Variants in PASK observed in about 807,000 individuals in gnomAD.
The protein encoded by PASK is PAS domain-containing serine/threonine-protein kinase.
PASK carries 110 observed loss-of-function variants against 121.0 expected under a neutral mutation model. The observed-to-expected ratio is 0.91, with a 90% CI of 0.78 to 1.06. The LOEUF (loss-of-function observed/expected upper bound fraction) is 1.06. Ranked by LOEUF, PASK falls within the 50% of genes least tolerant of loss-of-function variation. PASK has a pLI of 0.00. For synonymous variants in PASK, 686 were observed against 717.8 expected (o/e 0.96, Z 0.71); for missense variants, 1,643 against 1,702.3 (o/e 0.97, Z 0.61).
Position 241,135,906 on chromosome 2 carries a change from G to A in PASK, c.1271C>T (p.Pro424Leu), listed in dbSNP as rs200392839. 71 of 1,614,116 alleles carry A rather than the reference G, an allele frequency of 4.4e-5. No homozygotes were observed. Among genetic ancestry groups the A allele is most frequent in the African/African-American group, 1.7e-4 (13 of 75,038 alleles). ...ESGCGERTLD[P>L]WQGQDPAEGG... Reference sequence around the variant, plus strand: ...CTCAGCTGGGTCCTGGCCCTGCCACGGGTCCAAGGTTCTCTCCCCACACCC... The same window carrying A: ...CTCAGCTGGGTCCTGGCCCTGCCACAGGTCCAAGGTTCTCTCCCCACACCC... The change falls in exon 8 of 18, where the codon CCG (proline) becomes CTG (leucine). Residue 424 changes from proline to leucine, a missense_variant. By Grantham distance (98) the Pro-to-Leu change is moderately conservative. Coordinates refer to ENST00000234040, the MANE Select transcript of PASK (RefSeq NM_015148.4).
At position 241,112,361 on chromosome 2, in the gene PASK, C is replaced by A. The variant is rs145485934; in HGVS notation, c.3412G>T (p.Glu1138Ter). ...DIKDENIVIA[E>*]DFTIKLIDFG... Reference sequence around the variant, plus strand: ...TCTATCAGCTTGATTGTGAAGTCCTCGGCGATCACGATGTTCTCATCCTTG... The same window carrying A: ...TCTATCAGCTTGATTGTGAAGTCCTAGGCGATCACGATGTTCTCATCCTTG... The change falls in exon 15 of 18, where the codon GAG (glutamate) becomes TAG (stop). Residue 1138 changes from glutamate (E) to a stop codon, truncating the protein, a stop_gained. Coordinates refer to ENST00000234040, the MANE Select transcript of PASK (RefSeq NM_015148.4). LOFTEE classifies it high-confidence loss of function. The surrounding 1 kb of genome is among the most constrained non-coding windows in gnomAD (Gnocchi z 5.2). 4.5e-5 allele frequency: 72 copies of A among 1,613,388 alleles called. No individual in the cohort carries two copies. The highest frequency in any genetic ancestry group is 5.7e-5 in the Non-Finnish European group (67 of 1,179,586).
intron 8 of PASK, chr2:241,133,246 A>T (rs944680694): frequency 1.1e-5 from 7 of 621,642 alleles, no homozygotes; most frequent in Non-Finnish European, 2.0e-5. Context: ...AGCTACCATG[A>T]TCCTATTAAC....
Position 241,140,726 on chromosome 2 carries a change from G to T in PASK, c.224C>A (p.Ser75Ter). ...SEDRWSSYCLSSLAAQNICTS... is the reference protein window; with the variant it reads ...SEDRWSSYCL ...ACAAATATTCTGGGCAGCCAGTGAT[G>T]ATAGACAATAGGAGCTCCATCTGTC... The change falls in exon 3 of 18, where the codon TCA becomes TAA. Residue 75 changes from serine to a stop codon, truncating the protein, a stop_gained. Coordinates refer to ENST00000234040, the MANE Select transcript of PASK (RefSeq NM_015148.4). LOFTEE classifies it high-confidence loss of function. 1 of 1,612,940 alleles carries T rather than the reference G, an allele frequency of 6.2e-7. No individual in the cohort carries two copies. The highest frequency in any genetic ancestry group is 1.1e-5 in the South Asian group (1 of 91,054).
At chr2:241,123,174 CTTTTTTTTTTTTT>C (rs528024638) in intron 11 of PASK, among the ~76,000 whole-genome samples, 1 of 132,936 alleles carries the variant, frequency 7.5e-6, no homozygotes, top group African/African-American at 2.8e-5. Context: ...AAAGTGGCTT[CTTTTTTTTTTTTT>C]TTTTTTTAGA....
At position 241,142,968 on chromosome 2, in the gene PASK, A is replaced by T. The variant is rs772573669; in HGVS notation, c.65T>A (p.Leu22Ter). Residue 22 changes from leucine (L) to a stop codon, truncating the protein, a stop_gained, in exon 2 of 18, where the codon TTG becomes TAG. Transcript: ENST00000234040. LOFTEE classifies it high-confidence loss of function. ...AGCTGGGCCCTCTGCTGACACTGGC[A>T]AGGGGAGGCTCTGGGAAAGGCATCT... ...DQRCLSQSLP[L>*]PVSAEGPAAQ... 14 of 1,613,978 alleles carry T rather than the reference A, an allele frequency of 8.7e-6. No homozygotes were observed. The highest frequency in any genetic ancestry group is 1.2e-5 in the Non-Finnish European group (14 of 1,179,902).
rs754387831 is a variant in PASK at position 241,140,053 on chromosome 2, G to A, written c.432C>T (p.Ile144=). Residue 144 remains isoleucine, a splice_region_variant and synonymous_variant, in exon 4 of 18, where the codon ATC becomes ATT. Transcript: ENST00000234040. The part of the protein sequence containing the change: ...IFTVDAKTTE[I]LVANDKACGL... ...CGCAAGCTTTGTCGTTAGCAACCAG[G>A]ATCTGAGGAATCACAAAGAGGAGCA... 2 of 1,613,606 alleles carry A rather than the reference G, an allele frequency of 1.2e-6. No homozygotes were observed. Among genetic ancestry groups the A allele is most frequent in the African/African-American group, 2.7e-5 (2 of 75,060 alleles).
At chr2:241,115,860 C>A (rs1200268976) in intron 12 of PASK, among the ~76,000 whole-genome samples, 591 of 123,684 alleles carry the variant, frequency 4.8e-3, no homozygotes, top group Middle Eastern at 7.5e-3. Flanking sequence ...CCGGGGCCAC[C>A]CGGTCCCCAA....
intron 9 of PASK, among the ~76,000 whole-genome samples, chr2:241,131,984 C>A (rs2066158907): frequency 7.3e-6 from 1 of 137,718 alleles, no homozygotes; most frequent in African/African-American, 2.8e-5. Context: ...AACCAGGGGG[C>A]AGAAGTTACA....
rs1231420121 is a variant in PASK, at chr2:241,126,981, T to C, written c.1934A>G (p.Glu645Gly). 3.1e-6 allele frequency: 5 copies of C among 1,614,086 alleles called. No individual in the cohort carries two copies. The highest frequency in any genetic ancestry group is 4.2e-6 in the Non-Finnish European group (5 of 1,180,044). Residue 645 changes from glutamate to glycine, a missense_variant, in exon 10 of 18, where the codon GAG (glutamate) becomes GGG (glycine). Glu to Gly is a moderately conservative substitution (Grantham distance 98, BLOSUM62 -2). Transcript: ENST00000234040. ...GLSFGTPTLD[E>G]PWLGVENDRE... ...GTCGTTTTCCACTCCCAGCCACGGC[T>C]CATCTAGAGTAGGTGTCCCAAACGA...
chr2:241,132,293 G>A (rs1004414902), intron 9 of PASK, among the ~76,000 whole-genome samples: 1 of 151,842 alleles, frequency 6.6e-6, no homozygotes, highest in Non-Finnish European at 1.5e-5. Flanking sequence ...GGGAGGCCAA[G>A]GCGGGTGGAT....
At chr2:241,147,163 T>C (rs1452015551) in intron 1 of PASK, among the ~76,000 whole-genome samples, 1 of 152,192 alleles carries the variant, frequency 6.6e-6, no homozygotes, top group African/African-American at 2.4e-5. Flanking sequence ...TGAGGCAGTT[T>C]TTTCTACTTT....
rs777290783 is a variant in PASK at position 241,127,185 on chromosome 2, C to G, written c.1730G>C (p.Gly577Ala). The stretch of plus-strand genomic sequence containing the variant: ...GTCTGAACCGCTGGGACCACTGACT[C>G]CCATCCGCTCTAGCTGGGCCTTCTG... ...LCQKAQLERM[G>A]VSGPSGSDLW... The change falls in exon 10 of 18, where the codon GGA (glycine) becomes GCA (alanine). Residue 577 changes from glycine to alanine, a missense_variant. This residue lies in a region of PASK where 1,176 missense variants were observed against 1,162.2 expected (regional missense o/e 1.01). Transcript: ENST00000234040. The G allele has an allele frequency of 6.2e-7, 1 of 1,614,234 alleles. No individual in the cohort carries two copies. The highest frequency in any genetic ancestry group is 8.5e-7 in the Non-Finnish European group (1 of 1,180,042).
chr2:241,115,094 G>A lies in PASK; in HGVS notation c.3282C>T (p.Ile1094=), dbSNP rs765001149. 5.3e-5 allele frequency: 85 copies of A among 1,614,016 alleles called. No individual in the cohort carries two copies. The highest frequency in any genetic ancestry group is 8.3e-5 in the Admixed American group (5 of 59,992). Residue 1094 remains isoleucine (I), a synonymous_variant, in exon 14 of 18, where the codon ATC becomes ATT. Transcript: ENST00000234040. ...HGSGLDLFAF[I]DRHPRLDEPL... ...GCTCATCCAGCCTGGGGTGGCGGTC[G>A]ATGAAAGCGAAGAGGTCTAGGCCGG...
Position 241,108,251 on chromosome 2 carries a change from T to A in PASK, c.3583A>T (p.Thr1195Ser). 1.9e-6 allele frequency: 3 copies of A among 1,613,976 alleles called. No individual in the cohort carries two copies. The highest frequency in any genetic ancestry group is 2.5e-6 in the Non-Finnish European group (3 of 1,179,880). ...EMWSLGVTLY[T>S]LVFEENPFCE... is the part of the protein sequence containing the mutation. ...AAGGGGTTCTCCTCAAAGACCAGCG[T>A]GTACAGAGTGACTCCCAGAGACCAC... The change falls in exon 16 of 18, where the codon ACG becomes TCG. Residue 1195 changes from threonine (T) to serine (S), a missense_variant. Around this residue, in one of 3 missense-constraint regions of PASK, gnomAD observed 453 missense variants for 511.2 expected, o/e 0.89. Coordinates refer to ENST00000234040, the MANE Select transcript of PASK (RefSeq NM_015148.4). This position sits in a 1 kb window ranked among gnomAD's most constrained non-coding sequence, Gnocchi z 5.2.
chr2:241,143,814 A>G (rs1354224102), intron 1 of PASK, among the ~76,000 whole-genome samples: 4 of 152,168 alleles, frequency 2.6e-5, no homozygotes, highest in African/African-American at 9.7e-5. Flanking sequence ...GCACAGAATC[A>G]CCTGGGTGCT....
Position 241,127,923 on chromosome 2 carries a change from G to A in PASK, c.1464-472C>T, listed in dbSNP as rs757061522. Among the ~76,000 whole-genome samples the A allele has an allele frequency of 1.6e-4, 25 of 152,360 alleles. 1 individual carries two copies. The highest frequency in any genetic ancestry group is 5.0e-4 in the African/African-American group (21 of 41,590). Reference sequence around the variant, plus strand: ...ACAAACACCATCCGATTTCACAGCCGACTAGGGAAATGGCTCTCAGATTTG... The same window carrying A: ...ACAAACACCATCCGATTTCACAGCCAACTAGGGAAATGGCTCTCAGATTTG... On this transcript the variant is annotated intron_variant, in intron 9 of 17. Transcript: ENST00000234040.
Position 241,120,579 on chromosome 2 carries a change from C to T in PASK, c.3072+2153G>A, listed in dbSNP as rs112282051. ...CAGCCAATAAGATCATGAAAAGACA[C>T]TTGACATCATTAGTCATCAGGGAAA... On this transcript the variant is annotated intron_variant, in intron 12 of 17. Coordinates refer to ENST00000234040, the MANE Select transcript of PASK (RefSeq NM_015148.4). Among the ~76,000 whole-genome samples the T allele has an allele frequency of 3.4e-3, 524 of 152,270 alleles. 3 individuals are homozygous for T. Among genetic ancestry groups the T allele is most frequent in the South Asian group, 0.02 (96 of 4,826 alleles).
chr2:241,119,165 C>A (rs1004735127), intron 12 of PASK, among the ~76,000 whole-genome samples: 1 of 152,266 alleles, frequency 6.6e-6, no homozygotes, highest in African/African-American at 2.4e-5. Context: ...CAGAAGCGAT[C>A]ACCCTGTTGA....
chr2:241,123,351 A>AT (rs1189935675), intron 11 of PASK, among the ~76,000 whole-genome samples: 5 of 150,904 alleles, frequency 3.3e-5, no homozygotes, highest in South Asian at 2.1e-4. Flanking sequence ...AAATTTTTGT[A>AT]TTTTTTTTAG....
Sources: allele counts gnomAD v4.1 joint callset (sites outside exome capture counted in the v4.1 genomes callset), GRCh38; gene constraint gnomAD v4.1.1; regional missense constraint gnomAD v4.1.1; non-coding constraint Gnocchi (gnomAD v3.1); transcripts MANE v1.5; gene names NCBI Gene and HGNC (gene_info 2026-07-23, HGNC 2026-07-21).